Variants in PDE11A observed in about 807,000 individuals in gnomAD.
The protein encoded by PDE11A is phosphodiesterase 11A, also known as dual 3',5'-cyclic-AMP and -GMP phosphodiesterase 11A.
A neutral mutation model predicts 100.5 loss-of-function variants in PDE11A; 100 were observed. That is an observed-to-expected ratio of 1.00 (90% confidence interval 0.85 to 1.18). The LOEUF is 1.18. Ranked by LOEUF, PDE11A falls within the 50% of genes most tolerant of loss-of-function variation. The probability of loss-of-function intolerance (pLI) is 0.00; values close to 1 mark genes in which losing one functional copy is unlikely to be tolerated. For synonymous variants in PDE11A, 381 were observed against 420.8 expected, an observed-to-expected ratio of 0.91 and a Z score of 1.16; for missense variants, 1,141 against 1,152.6, an observed-to-expected ratio of 0.99 and a Z score of 0.15.
chr2:178,095,809 T>C (rs967554148), intron 2 of PDE11A, among the ~76,000 whole-genome samples: 2 of 152,176 alleles, frequency 1.3e-5, no homozygotes, highest in Admixed American at 6.5e-5. Flanking sequence ...CCACACCACA[T>C]AGAAGCTTTC....
chr2:177,634,172 A>G (rs961334562), intron 19 of PDE11A, among the ~76,000 whole-genome samples: 4 of 152,066 alleles, frequency 2.6e-5, no homozygotes, highest in African/African-American at 9.7e-5. Context: ...TCTTCCCTTT[A>G]TCCTTGCTCT....
rs1200385512 is a variant in PDE11A at position 177,789,348 on chromosome 2, C to T, written c.1738-19975G>A. On this transcript the variant is annotated intron_variant, in intron 9 of 19. Transcript: ENST00000286063. ...TGACAAAATTCAACAATGCTTCATGCTAAAAACTCTCAATAAATTAGGTAT... is the reference window on the plus strand; with the variant it reads ...TGACAAAATTCAACAATGCTTCATGTTAAAAACTCTCAATAAATTAGGTAT... Among the ~76,000 whole-genome samples, 4 of 152,156 alleles carry T rather than the reference C, an allele frequency of 2.6e-5. No homozygotes were observed. The East Asian group carries it at 7.7e-4, about 29-fold the overall frequency.
At chr2:177,778,572 A>G (rs2082410100) in intron 9 of PDE11A, among the ~76,000 whole-genome samples, 1 of 152,206 alleles carries the variant, frequency 6.6e-6, no homozygotes, top group African/African-American at 2.4e-5. Flanking sequence ...TAAAATCCCA[A>G]ATAATTTATA....
chr2:177,864,369 G>C (rs1341136714), intron 5 of PDE11A, among the ~76,000 whole-genome samples: 1 of 152,140 alleles, frequency 6.6e-6, no homozygotes, highest in Non-Finnish European at 1.5e-5. Context: ...CAAAAACAAA[G>C]AAATGGGCAA....
chr2:177,828,369 T>C (rs2083259150), intron 6 of PDE11A, among the ~76,000 whole-genome samples: 1 of 152,142 alleles, frequency 6.6e-6, no homozygotes, highest in Admixed American at 6.5e-5. Context: ...AGAATGTCTA[T>C]TATTTACTAA....
At chr2:178,006,500 A>G (rs1471186947) in intron 2 of PDE11A, among the ~76,000 whole-genome samples, 1 of 152,184 alleles carries the variant, frequency 6.6e-6, no homozygotes, top group Non-Finnish European at 1.5e-5. Context: ...CCTAAAGTCA[A>G]GAAGAGGAAA....
intron 1 of PDE11A, among the ~76,000 whole-genome samples, chr2:178,046,059 A>T (rs1455807274): frequency 6.6e-6 from 1 of 152,182 alleles, no homozygotes; most frequent in Non-Finnish European, 1.5e-5. Context: ...AAACCTATTC[A>T]AGTCTAGCTT....
At chr2:177,669,799 G>A (rs1020856750) in intron 17 of PDE11A, among the ~76,000 whole-genome samples, 2 of 152,184 alleles carry the variant, frequency 1.3e-5, no homozygotes, top group Non-Finnish European at 2.9e-5. Flanking sequence ...ATGCCAACAG[G>A]CAATCTGCCA....
chr2:178,063,402 T>C (rs1006797292), intron 1 of PDE11A, among the ~76,000 whole-genome samples: 1 of 152,056 alleles, frequency 6.6e-6, no homozygotes, highest in African/African-American at 2.4e-5. Context: ...ATGACTGTCA[T>C]GAAGAAAGTT....
intron 2 of PDE11A, among the ~76,000 whole-genome samples, chr2:177,934,238 G>T (rs2105766248): frequency 6.6e-6 from 1 of 152,230 alleles, no homozygotes; most frequent in Non-Finnish European, 1.5e-5. Flanking sequence ...CTATGCATCA[G>T]ACAAAGGTCT....
intron 10 of PDE11A, among the ~76,000 whole-genome samples, chr2:177,763,633 C>T (rs964306514): frequency 1.3e-5 from 2 of 152,152 alleles, no homozygotes; most frequent in African/African-American, 4.8e-5. Context: ...TCTGCCACCC[C>T]GCTGCTGTCC....
At chr2:177,942,756 C>A (rs1030172209) in intron 2 of PDE11A, among the ~76,000 whole-genome samples, 2 of 152,166 alleles carry the variant, frequency 1.3e-5, no homozygotes, top group Non-Finnish European at 2.9e-5. Flanking sequence ...ACCATCTTAA[C>A]CATTTTTAAG....
intron 6 of PDE11A, among the ~76,000 whole-genome samples, chr2:177,835,273 C>G (rs1427291860): frequency 6.6e-6 from 1 of 152,198 alleles, no homozygotes; most frequent in Non-Finnish European, 1.5e-5. Context: ...GTCTTCCTAG[C>G]TGGGTAACCA....
intron 2 of PDE11A, among the ~76,000 whole-genome samples, chr2:177,919,937 A>G (rs1442463936): frequency 6.6e-6 from 1 of 152,176 alleles, no homozygotes; most frequent in East Asian, 1.9e-4. Context: ...AACTTAAAGG[A>G]ACAGAAGTCC....
intron 5 of PDE11A, among the ~76,000 whole-genome samples, chr2:177,855,111 T>C (rs1368299228): frequency 6.6e-6 from 1 of 152,118 alleles, no homozygotes; most frequent in Non-Finnish European, 1.5e-5. Flanking sequence ...ACAAAACACC[T>C]ATTACATCCT....
chr2:177,853,534 T>C (rs1331539863), intron 5 of PDE11A, among the ~76,000 whole-genome samples: 1 of 149,960 alleles, frequency 6.7e-6, no homozygotes, highest in Non-Finnish European at 1.5e-5. Context: ...GATTCTATCC[T>C]GCTGGAGGTT....
rs563905159 is a variant in PDE11A at position 177,644,360 on chromosome 2, G to C, written c.2647-14798C>G. On this transcript the variant is annotated intron_variant, in intron 19 of 19. Transcript: ENST00000286063. Reference sequence around the variant, plus strand: ...ATGCTAAAACTCTTGTTTTAACACGGAGTCAAAGGAGATAATTTCGGAACT... The same window carrying C: ...ATGCTAAAACTCTTGTTTTAACACGCAGTCAAAGGAGATAATTTCGGAACT... Among the ~76,000 whole-genome samples the C allele has an allele frequency of 3.3e-5, 5 of 152,332 alleles. No homozygotes were observed. The South Asian group carries it at 1.0e-3, about 32-fold the overall frequency.
At chr2:177,797,046 T>G (rs2082716833) in intron 9 of PDE11A, 1 of 152,232 alleles carries the variant, frequency 6.6e-6, no homozygotes, top group East Asian at 1.9e-4. Context: ...AAGGGTGCTT[T>G]ATTCAGTTTG....
intron 5 of PDE11A, among the ~76,000 whole-genome samples, chr2:177,867,813 G>A (rs754902379): frequency 3.9e-5 from 6 of 152,166 alleles, no homozygotes; most frequent in East Asian, 1.9e-4. Context: ...ATCATACTTC[G>A]TCTCTCCAGG....
Sources: gnomAD v4.1 joint callset for allele counts (sites outside exome capture counted in the v4.1 genomes callset) on GRCh38, gnomAD v4.1.1 for gene constraint, MANE v1.5 for transcripts, NCBI Gene and HGNC (gene_info 2026-07-23, HGNC 2026-07-21) for gene names.